The following WWOX variants were observed in gnomAD, a reference collection of about 807,000 sequenced individuals.
WWOX encodes WW domain containing oxidoreductase, also known as WW domain-containing oxidoreductase.
WWOX carries 69 observed loss-of-function variants against 46.2 expected under a neutral mutation model. The ratio of observed to expected loss-of-function variants is 1.49; its 90% CI spans 1.23 to 1.82. WWOX has a LOEUF of 1.82. Ranked by LOEUF, WWOX falls within the 40% of genes most tolerant of loss-of-function variation. The pLI is 0.00. For synonymous variants in WWOX, 359 were observed against 202.6 expected (o/e 1.77, Z -6.56); for missense variants, 919 against 542.6 (o/e 1.69, Z -6.89).
At chr16:78,732,231 G>T (rs925994045) in intron 8 of WWOX, among the ~76,000 whole-genome samples, 2 of 152,044 alleles carry the variant, frequency 1.3e-5, no homozygotes, top group Non-Finnish European at 2.9e-5. Flanking sequence ...TGACGCTGCA[G>T]ACTCTTGAAG....
At chr16:79,059,044 T>A (rs867473776) in intron 8 of WWOX, among the ~76,000 whole-genome samples, 7 of 152,212 alleles carry the variant, frequency 4.6e-5, no homozygotes, top group African/African-American at 1.7e-4. Context: ...TTCTGGAGAT[T>A]GTTATCAGTC....
At chr16:78,670,312 C>T in intron 8 of WWOX, among the ~76,000 whole-genome samples, 1 of 152,166 alleles carries the variant, frequency 6.6e-6, no homozygotes. Flanking sequence ...TCCGACCCTC[C>T]CGTGATTCTG....
intron 6 of WWOX, among the ~76,000 whole-genome samples, chr16:78,398,612 A>C (rs6564539): frequency 6.6e-6 from 1 of 152,100 alleles, no homozygotes; most frequent in African/African-American, 2.4e-5. Flanking sequence ...GCTTTTTTCT[A>C]TATTGATTTT....
chr16:79,152,786 T>G (rs2050306878), intron 8 of WWOX, among the ~76,000 whole-genome samples: 1 of 152,012 alleles, frequency 6.6e-6, no homozygotes, highest in Admixed American at 6.5e-5. Context: ...GCAGCTAACA[T>G]CTAGCACCTT....
At chr16:78,415,101 T>A (rs894004471) in intron 6 of WWOX, among the ~76,000 whole-genome samples, 15 of 148,478 alleles carry the variant, frequency 1.0e-4, no homozygotes, top group African/African-American at 1.7e-4. Flanking sequence ...TATAATACAA[T>A]ATTATATATA....
At chr16:78,433,679 A>T (rs145428281) in intron 8 of WWOX, among the ~76,000 whole-genome samples, 1 of 148,828 alleles carries the variant, frequency 6.7e-6, no homozygotes, top group Non-Finnish European at 1.5e-5. Flanking sequence ...TTGCAGGCCT[A>T]TTATCCTCCA....
intron 8 of WWOX, among the ~76,000 whole-genome samples, chr16:78,581,415 C>G (rs755077243): frequency 1.3e-5 from 2 of 152,136 alleles, no homozygotes; most frequent in Admixed American, 6.5e-5. Context: ...GTTGGAAAAA[C>G]TAACAGGAAC....
intron 8 of WWOX, among the ~76,000 whole-genome samples, chr16:78,788,220 A>G (rs899701850): frequency 2.6e-5 from 4 of 152,214 alleles, no homozygotes; most frequent in Non-Finnish European, 5.9e-5. Flanking sequence ...ATCCATTGCC[A>G]AATCCAAGGA....
intron 5 of WWOX, among the ~76,000 whole-genome samples, chr16:78,276,380 A>G (rs368655302): frequency 5.3e-5 from 8 of 152,210 alleles, no homozygotes; most frequent in South Asian, 2.1e-4. Context: ...GGTTTTGACA[A>G]TGATAATAAT....
intron 8 of WWOX, among the ~76,000 whole-genome samples, chr16:78,858,429 G>T (rs906596386): frequency 6.6e-6 from 1 of 151,190 alleles, no homozygotes; most frequent in Non-Finnish European, 1.5e-5. Flanking sequence ...ATTTTGAGTT[G>T]GAAAAAGCAA....
intron 8 of WWOX, among the ~76,000 whole-genome samples, chr16:78,815,970 C>A (rs988596535): frequency 6.6e-6 from 1 of 152,170 alleles, no homozygotes; most frequent in Non-Finnish European, 1.5e-5. Flanking sequence ...TCCTGGGTGA[C>A]CTTGTGTGTC....
At chr16:78,265,868 A>G (rs2079351865) in intron 5 of WWOX, 1 of 152,206 alleles carries the variant, frequency 6.6e-6, no homozygotes, top group Admixed American at 6.5e-5. Flanking sequence ...TCCTGTATCC[A>G]GTACAATGCT....
intron 8 of WWOX, among the ~76,000 whole-genome samples, chr16:79,043,311 C>T (rs1292296454): frequency 6.6e-6 from 1 of 152,028 alleles, no homozygotes; most frequent in Admixed American, 6.6e-5. Context: ...GGCATGGTAG[C>T]AGAAATTAGG....
At chr16:78,199,918 A>C (rs1418454984) in intron 5 of WWOX, among the ~76,000 whole-genome samples, 1 of 152,120 alleles carries the variant, frequency 6.6e-6, no homozygotes, top group African/African-American at 2.4e-5. Context: ...GGAAAACACT[A>C]ATGTATGCAA....
chr16:79,115,738 A>G (rs190279675), intron 8 of WWOX, among the ~76,000 whole-genome samples: 1 of 152,286 alleles, frequency 6.6e-6, no homozygotes, highest in Admixed American at 6.5e-5. Flanking sequence ...GATAGGACTG[A>G]CCTGCGTGTA....
chr16:78,908,321 A>G (rs554415209), intron 8 of WWOX, among the ~76,000 whole-genome samples: 30 of 152,166 alleles, frequency 2.0e-4, no homozygotes, highest in East Asian at 1.4e-3. Flanking sequence ...GGGTGGTTCA[A>G]CTGAGGTCAG....
intron 4 of WWOX, among the ~76,000 whole-genome samples, chr16:78,125,756 T>C (rs2033335231): frequency 6.6e-6 from 1 of 152,186 alleles, no homozygotes; most frequent in Non-Finnish European, 1.5e-5. Flanking sequence ...TTTGGTATTA[T>C]GATTGTAAAA....
At chr16:78,797,327 A>G (rs1017657685) in intron 8 of WWOX, among the ~76,000 whole-genome samples, 5 of 146,140 alleles carry the variant, frequency 3.4e-5, no homozygotes, top group African/African-American at 1.3e-4. Context: ...CATGCAGGAC[A>G]CAAGGTATGC....
intron 8 of WWOX, among the ~76,000 whole-genome samples, chr16:78,822,174 C>T (rs1264214197): frequency 2.0e-5 from 3 of 152,134 alleles, no homozygotes; most frequent in Non-Finnish European, 2.9e-5. Context: ...CCATGCCCAG[C>T]CTTAAATAAA....
Sources: gnomAD v4.1 joint callset for allele counts (sites outside exome capture counted in the v4.1 genomes callset) on GRCh38, gnomAD v4.1.1 for gene constraint, MANE v1.5 for transcripts, NCBI Gene and HGNC (gene_info 2026-07-23, HGNC 2026-07-21) for gene names.